Variants in DOCK5 observed in about 807,000 individuals in gnomAD.
The protein encoded by DOCK5 is dedicator of cytokinesis 5.
In DOCK5, 142 loss-of-function variants were observed where a neutral mutation model predicts 251.8. That is an observed-to-expected ratio of 0.56 (90% CI 0.49 to 0.65). DOCK5 has a LOEUF of 0.65. Among genes scored for constraint, DOCK5 ranks in the 30% least tolerant of loss-of-function variants. The pLI is 0.00. For synonymous variants in DOCK5, 842 were observed against 835.5 expected (o/e 1.01, Z -0.13); for missense variants, 2,111 against 2,312.3 (o/e 0.91, Z 1.79).
chr8:25,381,826 T>C (rs1296360023), intron 39 of DOCK5, among the ~76,000 whole-genome samples: 3 of 152,084 alleles, frequency 2.0e-5, no homozygotes, highest in African/African-American at 7.2e-5. Context: ...TTTGCTTTCT[T>C]TAAGGCTGAC....
At chr8:25,289,852 G>A (rs1804443456) in intron 5 of DOCK5, among the ~76,000 whole-genome samples, 1 of 152,020 alleles carries the variant, frequency 6.6e-6, no homozygotes, top group Non-Finnish European at 1.5e-5. Flanking sequence ...CCAAAAAAAA[G>A]AAAGAAGGAA....
rs1202733129 is a variant in DOCK5 at position 25,311,879 on chromosome 8, A to C, written c.1318+1347A>C. 3.3e-5 allele frequency among the ~76,000 whole-genome samples: 5 copies of C among 151,704 alleles called. No individual in the cohort carries two copies. In the East Asian group the frequency reaches 9.7e-4, roughly 29 times the overall value. The stretch of plus-strand genomic sequence containing the variant: ...AGAGGTTTCAGTGAGCTATGATCGC[A>C]CCACTGCAACCCAGCCTGGGCAACA... On this transcript the variant is annotated intron_variant, in intron 13 of 51. Coordinates refer to ENST00000276440, the MANE Select transcript of DOCK5 (RefSeq NM_024940.8).
At chr8:25,260,784 C>CTT (rs1325419971) in intron 2 of DOCK5, among the ~76,000 whole-genome samples, 10 of 150,698 alleles carry the variant, frequency 6.6e-5, no homozygotes, top group Admixed American at 6.6e-4. Context: ...AGACAATTTT[C>CTT]TTTCTTTCTT....
chr8:25,232,714 A>G (rs1379358663), intron 1 of DOCK5, among the ~76,000 whole-genome samples: 6 of 152,074 alleles, frequency 3.9e-5, no homozygotes, highest in African/African-American at 1.4e-4. Flanking sequence ...CCAAAAGCCC[A>G]CCTCCTAATA....
chr8:25,299,177 T>A, intron 8 of DOCK5, 76 bp downstream of exon 8: 1 of 1,508,168 alleles, frequency 6.6e-7, no homozygotes, highest in South Asian at 1.3e-5. Context: ...CCCGGGCAGC[T>A]CTTTGCCAGA....
rs531607273 is a variant in DOCK5 at position 25,322,495 on chromosome 8, C to T, written c.1616-1353C>T. On this transcript the variant is annotated intron_variant, in intron 16 of 51. Coordinates refer to ENST00000276440, the MANE Select transcript of DOCK5 (RefSeq NM_024940.8). ...GAGCAATAATAGTATCAGGTTGAAT[C>T]GTGTGAAATTGGCATTTTTTAGGTC... Among the ~76,000 whole-genome samples the T allele has an allele frequency of 6.6e-5, 10 of 152,210 alleles. No homozygotes were observed. In the South Asian group the frequency reaches 1.9e-3, roughly 28 times the overall value.
In DOCK5 at chr8:25,186,383, A is replaced by AGACG. The variant is rs368978569; in HGVS notation, c.43+1436_43+1439dup. On this transcript the variant is annotated intron_variant, in intron 1 of 51. Transcript: ENST00000276440. The stretch of plus-strand genomic sequence containing the variant: ...TTTTTTTTTGGTTTGTTTGTTTTTG[A>AGACG]GACGGACTGACGAGGGAGTCTCACT... Among the ~76,000 whole-genome samples the AGACG allele has an allele frequency of 4.4e-3, 495 of 113,246 alleles. 3 individuals are homozygous for AGACG. Among genetic ancestry groups the AGACG allele is most frequent in the African/African-American group, 0.017 (473 of 28,328 alleles). 74.3% of individuals were successfully genotyped at this position (113,246 alleles called of 152,430 possible). A position where few individuals can be genotyped will look rare whatever the true frequency, so the allele number is the denominator to read the frequency against.
chr8:25,244,511 G>T lies in DOCK5; in HGVS notation c.127+754G>T, dbSNP rs545135836. Among the ~76,000 whole-genome samples, 6 of 152,322 alleles carry T rather than the reference G, an allele frequency of 3.9e-5. No homozygotes were observed. The South Asian group carries it at 1.2e-3, about 32-fold the overall frequency. ...GACCAAACCAAGAACTATGTTTAGG[G>T]TCCAGTTATTCTCTCAGAAGGTTAG... On this transcript the variant is annotated intron_variant, in intron 2 of 51. Transcript: ENST00000276440.
intron 2 of DOCK5, among the ~76,000 whole-genome samples, chr8:25,250,297 T>A (rs1297187667): frequency 6.6e-6 from 1 of 152,226 alleles, no homozygotes; most frequent in African/African-American, 2.4e-5. Flanking sequence ...ACTGAGAAGC[T>A]ATCTACTGCT....
At chr8:25,293,157 G>A (rs1305100548) in intron 6 of DOCK5, among the ~76,000 whole-genome samples, 1 of 152,126 alleles carries the variant, frequency 6.6e-6, no homozygotes, top group African/African-American at 2.4e-5. Flanking sequence ...TCGGTTAGCT[G>A]TTATTGGTGA....
intron 1 of DOCK5, among the ~76,000 whole-genome samples, chr8:25,207,526 T>C (rs1245101171): frequency 1.3e-5 from 2 of 152,144 alleles, no homozygotes; most frequent in African/African-American, 4.8e-5. Flanking sequence ...TTCTGAAAAA[T>C]CTGAGGGCCC....
chr8:25,381,670 T>C (rs1801070271), intron 39 of DOCK5, among the ~76,000 whole-genome samples: 1 of 152,036 alleles, frequency 6.6e-6, no homozygotes, highest in South Asian at 2.1e-4. Context: ...AGCTGAAATA[T>C]TAGTAATGTA....
At chr8:25,398,722 T>C (rs1029935058) in intron 45 of DOCK5, among the ~76,000 whole-genome samples, 2 of 152,108 alleles carry the variant, frequency 1.3e-5, no homozygotes, top group African/African-American at 4.8e-5. Flanking sequence ...TCTCCAAATT[T>C]CCCCTTTTTA....
rs549513858 is a variant in DOCK5, at chr8:25,414,112, T to A, written c.*2814T>A. 2 of 152,344 alleles carry A rather than the reference T, an allele frequency of 1.3e-5. No homozygotes were observed. The highest frequency in any genetic ancestry group is 3.9e-4 in the East Asian group (2 of 5,182). The allele number at this position is 152,344 out of a possible 1,614,324, so 9.4% of individuals were successfully genotyped here. ...GTATACGGTTGGAGGTGTTTTTAAA[T>A]CTTTATTTCCTCTCTTTCTTTGTTC... On this transcript the variant is annotated 3_prime_UTR_variant, in exon 52 of 52. Transcript: ENST00000276440.
intron 1 of DOCK5, among the ~76,000 whole-genome samples, chr8:25,210,940 G>C (rs1188201723): frequency 2.9e-5 from 2 of 69,542 alleles, no homozygotes; most frequent in African/African-American, 6.5e-5. Flanking sequence ...GCTGAGGTTG[G>C]GGTAGTTCTT....
At chr8:25,322,972 TG>T (rs1805465614) in intron 16 of DOCK5, among the ~76,000 whole-genome samples, 1 of 152,154 alleles carries the variant, frequency 6.6e-6, no homozygotes, top group South Asian at 2.1e-4. Context: ...AATAGGAGAA[TG>T]GATAAACAAA....
intron 44 of DOCK5, among the ~76,000 whole-genome samples, chr8:25,394,891 A>G (rs1243943353): frequency 5.4e-5 from 8 of 148,776 alleles, no homozygotes; most frequent in Admixed American, 5.4e-4. Context: ...TTTTTGACAC[A>G]GGGACTGCTT....
At position 25,238,693 on chromosome 8, in the gene DOCK5, C is replaced by T. The variant is rs558674975; in HGVS notation, c.44-4981C>T. ...TAACCCTTTCTTGAGTGATGGGAAA[C>T]CACAGCCTCTGCTCTGGAGGAAAGC... On this transcript the variant is annotated intron_variant, in intron 1 of 51. Transcript: ENST00000276440. Among the ~76,000 whole-genome samples, 67 of 152,304 alleles carry T rather than the reference C, an allele frequency of 4.4e-4. 2 individuals are homozygous for T. The South Asian group carries it at 0.012, about 27-fold the overall frequency.
intron 27 of DOCK5, among the ~76,000 whole-genome samples, chr8:25,353,007 A>G (rs983756917): frequency 6.6e-6 from 1 of 152,102 alleles, no homozygotes; most frequent in Non-Finnish European, 1.5e-5. Context: ...CATAGCAGAA[A>G]CCCTAAGACA....
Sources: allele counts gnomAD v4.1 joint callset (sites outside exome capture counted in the v4.1 genomes callset), GRCh38; gene constraint gnomAD v4.1.1; transcripts MANE v1.5; gene names NCBI Gene and HGNC (gene_info 2026-07-23, HGNC 2026-07-21).